The following ATG10 variants were observed in gnomAD, a reference collection of about 807,000 sequenced individuals.
ATG10 encodes autophagy related 10, also known as ubiquitin-like-conjugating enzyme ATG10.
A neutral mutation model predicts 32.1 loss-of-function variants in ATG10; 30 were observed. The ratio of observed to expected loss-of-function variants is 0.94; its 90% CI spans 0.70 to 1.27. The LOEUF (loss-of-function observed/expected upper bound fraction) is 1.27, where lower values mean the gene tolerates loss of function less well. ATG10 is among the 50% of genes most tolerant of loss of function. The pLI, the probability that ATG10 is intolerant of heterozygous loss-of-function variation, is 0.00. For missense variants in ATG10, 233 were observed against 262.3 expected, an observed-to-expected ratio of 0.89 and a Z score of 0.77; for synonymous variants, 87 against 91.5, an observed-to-expected ratio of 0.95 and a Z score of 0.28.
At chr5:82,078,542 T>A (rs1764354868) in intron 3 of ATG10, 1 of 152,164 alleles carries the variant, frequency 6.6e-6, no homozygotes, top group Non-Finnish European at 1.5e-5. Flanking sequence ...GTGTCTTTGC[T>A]AAGTTTGGCA....
chr5:82,202,945 G>C (rs992985230), intron 5 of ATG10, among the ~76,000 whole-genome samples: 1 of 151,944 alleles, frequency 6.6e-6, no homozygotes, highest in Non-Finnish European at 1.5e-5. Context: ...GAAGTAATGG[G>C]GGGCTGGGTG....
chr5:82,135,669 G>A (rs1766705116), intron 3 of ATG10, among the ~76,000 whole-genome samples: 1 of 152,190 alleles, frequency 6.6e-6, no homozygotes, highest in African/African-American at 2.4e-5. Context: ...TAAGTGCTAT[G>A]TGGTGCTGAG....
intron 3 of ATG10, among the ~76,000 whole-genome samples, chr5:82,120,014 G>A (rs1291436001): frequency 6.7e-6 from 1 of 148,256 alleles, no homozygotes; most frequent in East Asian, 2.0e-4. Context: ...GTGTGTGTGT[G>A]TGTGTACGCA....
At chr5:82,001,252 C>A (rs955676417) in intron 2 of ATG10, among the ~76,000 whole-genome samples, 1 of 152,032 alleles carries the variant, frequency 6.6e-6, no homozygotes, top group Admixed American at 6.6e-5. Flanking sequence ...AGTCTACTAT[C>A]TTCCTATCAA....
intron 1 of ATG10, among the ~76,000 whole-genome samples, chr5:81,981,961 C>A (rs1761060432): frequency 6.6e-6 from 1 of 152,220 alleles, no homozygotes; most frequent in African/African-American, 2.4e-5. Context: ...GAATAAGCTT[C>A]TTCTATCCTT....
intron 1 of ATG10, among the ~76,000 whole-genome samples, chr5:81,981,667 GATCTT>G (rs2149656985): frequency 6.6e-6 from 1 of 152,276 alleles, no homozygotes; most frequent in African/African-American, 2.4e-5. Context: ...TTTTGTAAAT[GATCTT>G]AAGTTCTGGG....
At chr5:82,141,933 T>C (rs981106483) in intron 3 of ATG10, among the ~76,000 whole-genome samples, 2 of 152,240 alleles carry the variant, frequency 1.3e-5, no homozygotes, top group African/African-American at 4.8e-5. Flanking sequence ...GTTCTACTTT[T>C]TTGCCCTGTC....
At chr5:82,081,819 C>CT (rs1234146241) in intron 3 of ATG10, among the ~76,000 whole-genome samples, 8 of 152,054 alleles carry the variant, frequency 5.3e-5, no homozygotes, top group Non-Finnish European at 1.2e-4. Flanking sequence ...CTAAAATTCT[C>CT]TTTTTTTGTT....
intron 5 of ATG10, among the ~76,000 whole-genome samples, chr5:82,246,161 T>A (rs1747027055): frequency 6.6e-6 from 1 of 151,402 alleles, no homozygotes; most frequent in Non-Finnish European, 1.5e-5. Flanking sequence ...ACCTCTGCCT[T>A]CTGGGTTCAA....
rs193224179 is a variant in ATG10, at chr5:82,150,672, C to G, written c.217-13727C>G. Among the ~76,000 whole-genome samples, 56 of 152,268 alleles carry G rather than the reference C, an allele frequency of 3.7e-4. No individual in the cohort carries two copies. The East Asian group carries it at 0.01, about 28-fold the overall frequency. The stretch of plus-strand genomic sequence containing the variant: ...GAGGCACTGGTGATATCCATATCCC[C>G]CTTCACACAGTCGTCCACAGGGCTG... On this transcript the variant is annotated intron_variant, in intron 3 of 7. Transcript: ENST00000282185.
chr5:82,139,793 G>C (rs1476770654), intron 3 of ATG10, among the ~76,000 whole-genome samples: 3 of 137,296 alleles, frequency 2.2e-5, no homozygotes, highest in Non-Finnish European at 4.8e-5. Flanking sequence ...CTACTGGGAA[G>C]TGAGGAGCCC....
At chr5:82,230,469 C>G (rs1202303825) in intron 5 of ATG10, among the ~76,000 whole-genome samples, 1 of 151,948 alleles carries the variant, frequency 6.6e-6, no homozygotes, top group African/African-American at 2.4e-5. Context: ...CACGGTGGCT[C>G]ACGCCTGTAA....
chr5:81,991,807 A>C lies in ATG10; in HGVS notation c.108+4129A>C, dbSNP rs1043303110. Among the ~76,000 whole-genome samples the C allele has an allele frequency of 5.3e-5, 8 of 152,204 alleles. No individual in the cohort carries two copies. In the East Asian group the frequency reaches 1.2e-3, roughly 22 times the overall value. On this transcript the variant is annotated intron_variant, in intron 2 of 7. Coordinates refer to ENST00000282185, the MANE Select transcript of ATG10 (RefSeq NM_031482.5). ...TGAAACTCCGTCTCAAAAAAAAAAA[A>C]AACTTATCTATACCTATGTATAGGG... is the stretch of plus-strand genomic sequence containing the variant.
At chr5:82,164,637 T>TA in intron 4 of ATG10, 100 bp downstream of exon 4, 1 of 1,218,836 alleles carries the variant, frequency 8.2e-7, no homozygotes, top group South Asian at 1.5e-5. Flanking sequence ...AAAATAGAGT[T>TA]AAAAATGAGA....
chr5:82,031,960 T>C (rs1331239370), intron 2 of ATG10, among the ~76,000 whole-genome samples: 3 of 152,262 alleles, frequency 2.0e-5, no homozygotes, highest in African/African-American at 7.2e-5. Context: ...AGCCTGCTGC[T>C]TGGAATGCTC....
chr5:81,993,057 G>C (rs531705951), intron 2 of ATG10, among the ~76,000 whole-genome samples: 1 of 152,140 alleles, frequency 6.6e-6, no homozygotes, highest in East Asian at 1.9e-4. Context: ...TACCATGATG[G>C]TCTGTCAGAT....
intron 5 of ATG10, among the ~76,000 whole-genome samples, chr5:82,205,026 A>G (rs1193846535): frequency 6.6e-6 from 1 of 152,218 alleles, no homozygotes; most frequent in African/African-American, 2.4e-5. Flanking sequence ...ACTGCCTGTG[A>G]AAGGTACTAA....
At chr5:82,049,167 G>C (rs1401798958) in intron 2 of ATG10, among the ~76,000 whole-genome samples, 1 of 151,524 alleles carries the variant, frequency 6.6e-6, no homozygotes, top group Non-Finnish European at 1.5e-5. Context: ...AACAATGATA[G>C]ACTGGATTAA....
intron 5 of ATG10, among the ~76,000 whole-genome samples, chr5:82,251,703 T>C (rs773204927): frequency 2.0e-5 from 3 of 152,208 alleles, no homozygotes; most frequent in Non-Finnish European, 2.9e-5. Flanking sequence ...ACAATACAAA[T>C]AATCAATAAA....
Sources: allele counts gnomAD v4.1 joint callset (sites outside exome capture counted in the v4.1 genomes callset), GRCh38; gene constraint gnomAD v4.1.1; transcripts MANE v1.5; gene names NCBI Gene and HGNC (gene_info 2026-07-23, HGNC 2026-07-21).